Variants in KANK4 observed in about 807,000 individuals in gnomAD.
KANK4 encodes KN motif and ankyrin repeat domains 4.
KANK4 carries 50 observed loss-of-function variants against 80.8 expected under a neutral mutation model. The observed-to-expected ratio is 0.62, with a 90% confidence interval of 0.49 to 0.78. KANK4 has a LOEUF of 0.78. KANK4 is among the 30% of genes least tolerant of loss of function. The probability of loss-of-function intolerance (pLI) is 0.00; values close to 1 mark genes in which losing one functional copy is unlikely to be tolerated. For synonymous variants in KANK4, 465 were observed against 506.9 expected, an observed-to-expected ratio of 0.92 and a Z score of 1.11; for missense variants, 1,196 against 1,240.1, an observed-to-expected ratio of 0.96 and a Z score of 0.53.
At chr1:62,309,480 C>T (rs189422468) in intron 1 of KANK4, among the ~76,000 whole-genome samples, 2 of 152,272 alleles carry the variant, frequency 1.3e-5, no homozygotes, top group East Asian at 3.9e-4. Flanking sequence ...ATCTTTTACC[C>T]TATTTTAAAG....
At chr1:62,271,374 G>A in intron 4 of KANK4, 104 bp downstream of exon 4, 1 of 791,612 alleles carries the variant, frequency 1.3e-6, no homozygotes, top group East Asian at 2.5e-5. Context: ...TTCCCTTGAA[G>A]AGGAATGAAA....
intron 8 of KANK4, among the ~76,000 whole-genome samples, chr1:62,250,836 C>T (rs972163259): frequency 1.3e-5 from 2 of 152,222 alleles, no homozygotes; most frequent in South Asian, 2.1e-4. Context: ...CTATAAACAT[C>T]GGCTTCTGGC....
At chr1:62,287,097 G>C (rs1672586516) in intron 1 of KANK4, among the ~76,000 whole-genome samples, 1 of 152,130 alleles carries the variant, frequency 6.6e-6, no homozygotes, top group African/African-American at 2.4e-5. Flanking sequence ...CAAGGTTTCA[G>C]AGTGTCCCGG....
intron 6 of KANK4, among the ~76,000 whole-genome samples, chr1:62,265,871 C>T (rs1262251862): frequency 6.6e-6 from 1 of 152,194 alleles, no homozygotes; most frequent in African/African-American, 2.4e-5. Context: ...CCCAGAGGTA[C>T]ACTTCAAGAA....
chr1:62,268,153 A>G, intron 5 of KANK4, 134 bp downstream of exon 5: 1 of 743,470 alleles, frequency 1.3e-6, no homozygotes. Context: ...CAGTGTGGGC[A>G]TGAAACAGAG....
At chr1:62,262,347 A>G (rs2149131875) in intron 7 of KANK4, among the ~76,000 whole-genome samples, 1 of 152,292 alleles carries the variant, frequency 6.6e-6, no homozygotes, top group Admixed American at 6.5e-5. Context: ...AATGAGGCAA[A>G]CACAGGCAAA....
At chr1:62,255,788 A>G (rs931528806) in intron 7 of KANK4, among the ~76,000 whole-genome samples, 5 of 152,146 alleles carry the variant, frequency 3.3e-5, no homozygotes, top group South Asian at 2.1e-4. Context: ...AGCTGGGACT[A>G]CAGGTGCATG....
chr1:62,255,260 T>A (rs995493364), intron 7 of KANK4, among the ~76,000 whole-genome samples: 1 of 152,180 alleles, frequency 6.6e-6, no homozygotes, highest in Non-Finnish European at 1.5e-5. Context: ...CCTGGGGATA[T>A]GTATCCATAT....
intron 1 of KANK4, among the ~76,000 whole-genome samples, chr1:62,306,354 T>C (rs1024260886): frequency 3.3e-5 from 5 of 152,120 alleles, no homozygotes; most frequent in Non-Finnish European, 5.9e-5. Flanking sequence ...AGATGGAGTA[T>C]GAGGAAAAAA....
At chr1:62,257,491 C>G (rs1288223945) in intron 7 of KANK4, among the ~76,000 whole-genome samples, 1 of 152,362 alleles carries the variant, frequency 6.6e-6, no homozygotes, top group East Asian at 1.9e-4. Flanking sequence ...AGAGCATCCT[C>G]TGACTCAATA....
At chr1:62,275,255 T>C (rs571458667) in intron 2 of KANK4, among the ~76,000 whole-genome samples, 168 bp from the exon 3 acceptor site, 1 of 152,352 alleles carries the variant, frequency 6.6e-6, no homozygotes, top group African/African-American at 2.4e-5. Flanking sequence ...TTGGCTGTAT[T>C]GGAAAATCAT....
At chr1:62,302,776 T>C (rs778548708) in intron 1 of KANK4, among the ~76,000 whole-genome samples, 5 of 152,138 alleles carry the variant, frequency 3.3e-5, no homozygotes, top group Admixed American at 2.0e-4. Flanking sequence ...TTAAAATTTA[T>C]AAGCCACCCC....
intron 6 of KANK4, among the ~76,000 whole-genome samples, chr1:62,263,654 GGCCCTCTCCTTCCCCCTCACACAGCCA>G (rs1173642024): frequency 3.8e-4 from 58 of 152,238 alleles, no homozygotes; most frequent in Non-Finnish European, 6.5e-4. Flanking sequence ...CAATTACAAA[GGCCCTCTCCTTCCCCCTCACACAGCCA>G]GCCCACAATG....
chr1:62,293,362 T>G (rs557303831), intron 1 of KANK4, among the ~76,000 whole-genome samples: 1 of 152,116 alleles, frequency 6.6e-6, no homozygotes, highest in African/African-American at 2.4e-5. Flanking sequence ...CCCAAAGTGC[T>G]GGGATTACAG....
At chr1:62,249,969 G>T (rs1323934131) in intron 8 of KANK4, among the ~76,000 whole-genome samples, 1 of 150,990 alleles carries the variant, frequency 6.6e-6, no homozygotes, top group Non-Finnish European at 1.5e-5. Context: ...CACCGTGCCT[G>T]ACTGTGTGTA....
In KANK4 at chr1:62,281,645, G is replaced by A. The variant is rs1672454025; in HGVS notation, c.-70-11C>T. 3 of 1,517,748 alleles carry A rather than the reference G, an allele frequency of 2.0e-6. No homozygotes were observed. The highest frequency in any genetic ancestry group is 2.2e-5 in the South Asian group (2 of 89,156). The allele number at this position is 1,517,748 out of a possible 1,614,324, so 94.0% of individuals were successfully genotyped here. On this transcript the variant is annotated splice_polypyrimidine_tract_variant and intron_variant, in intron 1 of 9. Transcript: ENST00000371153. ...AACTTGTTGAAGGTTCTGAAAGAAA[G>A]GAGGATACAGAAGTGGTGAGTCTCA...
chr1:62,254,917 C>T (rs1235517160), intron 7 of KANK4, among the ~76,000 whole-genome samples: 2 of 125,294 alleles, frequency 1.6e-5, no homozygotes, highest in African/African-American at 3.0e-5. Flanking sequence ...GACGGAGTCT[C>T]GCTCTGTCAC....
chr1:62,299,956 G>A (rs1328831025), intron 1 of KANK4, among the ~76,000 whole-genome samples: 2 of 152,004 alleles, frequency 1.3e-5, no homozygotes, highest in Non-Finnish European at 2.9e-5. Flanking sequence ...CCAGCCCCTC[G>A]GCATGTGTGT....
chr1:62,240,867 C>T (rs1042391106), intron 9 of KANK4, among the ~76,000 whole-genome samples: 1 of 152,138 alleles, frequency 6.6e-6, no homozygotes, highest in Non-Finnish European at 1.5e-5. Flanking sequence ...CCTGACTGAG[C>T]AGCTGCAGTC....
Sources: gnomAD v4.1 joint callset for allele counts (sites outside exome capture counted in the v4.1 genomes callset) on GRCh38, gnomAD v4.1.1 for gene constraint, MANE v1.5 for transcripts, NCBI Gene and HGNC (gene_info 2026-07-23, HGNC 2026-07-21) for gene names.